VANGL2: variants seen among roughly 807,000 people sequenced by gnomAD.
The protein encoded by VANGL2 is VANGL planar cell polarity protein 2, also known as vang-like protein 2.
A neutral mutation model predicts 50.2 loss-of-function variants in VANGL2; 14 were observed. The observed-to-expected ratio is 0.28, with a 90% confidence interval of 0.18 to 0.44. The LOEUF is 0.44. VANGL2 is among the 20% of genes least tolerant of loss of function. The pLI is 1.00. For synonymous variants in VANGL2, 295 were observed against 297.2 expected (o/e 0.99, Z 0.08); for missense variants, 533 against 701.5 (o/e 0.76, Z 2.71).
intron 1 of VANGL2, among the ~76,000 whole-genome samples, chr1:160,411,276 A>G (rs1490527875): frequency 6.6e-6 from 1 of 151,582 alleles, no homozygotes; most frequent in Admixed American, 6.6e-5. Context: ...TTCCTTTTCT[A>G]TAGCCTCCCC....
At chr1:160,416,707 C>T (rs951300057) in intron 3 of VANGL2, among the ~76,000 whole-genome samples, 3 of 152,036 alleles carry the variant, frequency 2.0e-5, no homozygotes, top group African/African-American at 7.3e-5. Context: ...GGAGCAGGGA[C>T]CCCAGGAGAG....
intron 5 of VANGL2, 110 bp from the exon 6 acceptor site, chr1:160,420,942 G>A: frequency 1.3e-6 from 2 of 1,511,580 alleles, no homozygotes; most frequent in Non-Finnish European, 1.8e-6. Flanking sequence ...TTGCTGGGTG[G>A]TGGGAACAGC....
Position 160,426,661 on chromosome 1 carries a change from A to C in VANGL2, c.*1283A>C, listed in dbSNP as rs1298191872. Reference sequence around the variant, plus strand: ...TGATAATTTAGATCTCATTTTGAGCAAAATTTGCTGGCCCTCTAATAAATA... The same window carrying C: ...TGATAATTTAGATCTCATTTTGAGCCAAATTTGCTGGCCCTCTAATAAATA... On this transcript the variant is annotated 3_prime_UTR_variant, in exon 8 of 8. Coordinates refer to ENST00000368061, the MANE Select transcript of VANGL2 (RefSeq NM_020335.3). 1.3e-5 allele frequency: 2 copies of C among 152,734 alleles called. No individual in the cohort carries two copies. The highest frequency in any genetic ancestry group is 3.9e-4 in the East Asian group (2 of 5,186). The allele number at this position is 152,734 out of a possible 1,614,324, so 9.5% of individuals were successfully genotyped here.
Position 160,424,097 on chromosome 1 carries a change from G to T in VANGL2, c.1119G>T (p.Leu373=), listed in dbSNP as rs770390772. The T allele has an allele frequency of 4.2e-5, 67 of 1,613,954 alleles. No individual in the cohort carries two copies. The highest frequency in any genetic ancestry group is 1.0e-4 in the Admixed American group (6 of 60,010). ...VEEAFTHIKR[L]QEEEQKNPRE... ...AGGCCTTCACTCACATTAAGCGGCT[G>T]CAGGAAGAGGAGCAGAAAAACCCCA... Residue 373 remains leucine, a synonymous_variant, in exon 7 of 8, where the codon CTG becomes CTT. Transcript: ENST00000368061.
intron 1 of VANGL2, among the ~76,000 whole-genome samples, chr1:160,411,863 GGT>G (rs144604516): frequency 1.1e-4 from 17 of 150,076 alleles, no homozygotes; most frequent in South Asian, 2.1e-4. Context: ...GGTTCTGGTT[GGT>G]GTGTGTGTGT....
intron 6 of VANGL2, among the ~76,000 whole-genome samples, chr1:160,422,705 C>T (rs1353353305): frequency 1.3e-5 from 2 of 152,186 alleles, no homozygotes; most frequent in African/African-American, 4.8e-5. Context: ...CAGCTTCTAA[C>T]ATATTGTCAT....
intron 6 of VANGL2, among the ~76,000 whole-genome samples, chr1:160,422,835 T>C (rs1476391636): frequency 6.6e-6 from 1 of 152,200 alleles, no homozygotes; most frequent in East Asian, 1.9e-4. Flanking sequence ...AAGCTATATG[T>C]ATCCTTGTGC....
intron 3 of VANGL2, among the ~76,000 whole-genome samples, chr1:160,418,538 A>C (rs1470395506): frequency 1.3e-5 from 2 of 151,828 alleles, no homozygotes; most frequent in Non-Finnish European, 2.9e-5. Flanking sequence ...AAGTGTTCTA[A>C]TGTGTGCATC....
Position 160,416,100 on chromosome 1 carries a change from G to A in VANGL2, c.110G>A (p.Gly37Glu). Residue 37 changes from glycine to glutamate, a missense_variant, in exon 3 of 8, where the codon GGG becomes GAG. Gly to Glu is a moderately conservative substitution (Grantham distance 98). Coordinates refer to ENST00000368061, the MANE Select transcript of VANGL2 (RefSeq NM_020335.3). ...RDRHRSKSRDGGRGDKSVTIQ... is the reference protein window; with the variant it reads ...RDRHRSKSRDEGRGDKSVTIQ... ...CGACACCGCTCTAAGAGTCGAGATG[G>A]GGGCCGAGGGGACAAGTCGGTGACA... The A allele has an allele frequency of 1.2e-6, 2 of 1,614,234 alleles. No homozygotes were observed. Among genetic ancestry groups the A allele is most frequent in the Non-Finnish European group, 1.7e-6 (2 of 1,180,044 alleles).
rs4017836 is a variant in VANGL2 at position 160,417,908 on chromosome 1, A to ATTTT, written c.193-1077_193-1074dup. Among the ~76,000 whole-genome samples, 178 of 130,096 alleles carry ATTTT rather than the reference A, an allele frequency of 1.4e-3. 5 individuals are homozygous for ATTTT. The highest frequency in any genetic ancestry group is 4.1e-3 in the East Asian group (18 of 4,438). 85.3% of individuals were successfully genotyped at this position (130,096 alleles called of 152,430 possible). A position where few individuals can be genotyped will look rare whatever the true frequency, so the allele number is the denominator to read the frequency against. Reference sequence around the variant, plus strand: ...AAGGAACTTAGATAGGACTTCCATAATTTTTTTTTTTTTTTTTTTTGAGAT... The same window carrying ATTTT: ...AAGGAACTTAGATAGGACTTCCATAATTTTTTTTTTTTTTTTTTTTTTTTGAGAT... On this transcript the variant is annotated intron_variant, in intron 3 of 7. Transcript: ENST00000368061.
At chr1:160,411,558 T>C (rs1381238406) in intron 1 of VANGL2, among the ~76,000 whole-genome samples, 1 of 152,090 alleles carries the variant, frequency 6.6e-6, no homozygotes, top group East Asian at 1.9e-4. Context: ...TTCCCTGGTG[T>C]ACTTGAAGAC....
intron 1 of VANGL2, among the ~76,000 whole-genome samples, chr1:160,414,062 T>G (rs1380642133): frequency 6.6e-6 from 1 of 152,222 alleles, no homozygotes; most frequent in African/African-American, 2.4e-5. Context: ...ACCACCAACA[T>G]TAAGTCTCAA....
intron 7 of VANGL2, 73 bp downstream of exon 7, chr1:160,424,356 A>G (rs577696787): frequency 7.1e-7 from 1 of 1,413,680 alleles, no homozygotes; most frequent in East Asian, 2.4e-5. Context: ...ATTTTCCCTT[A>G]TTCTCTCACT....
chr1:160,402,701 C>T (rs1047235046), intron 1 of VANGL2, among the ~76,000 whole-genome samples: 1 of 152,062 alleles, frequency 6.6e-6, no homozygotes. Flanking sequence ...GCAGGCTATA[C>T]TGCTATACTC....
intron 1 of VANGL2, among the ~76,000 whole-genome samples, chr1:160,401,446 G>A (rs1441116577): frequency 2.0e-5 from 3 of 152,064 alleles, no homozygotes; most frequent in Non-Finnish European, 2.9e-5. Flanking sequence ...GGGCCGAGGG[G>A]ACAGGCGCTG....
chr1:160,403,283 C>A (rs1392134708), intron 1 of VANGL2, among the ~76,000 whole-genome samples: 1 of 151,992 alleles, frequency 6.6e-6, no homozygotes, highest in Non-Finnish European at 1.5e-5. Context: ...TCTGTATACG[C>A]TGATCACATG....
At position 160,418,345 on chromosome 1, in the gene VANGL2, C is replaced by T. The variant is rs541306302; in HGVS notation, c.193-657C>T. Among the ~76,000 whole-genome samples the T allele has an allele frequency of 2.0e-5, 3 of 152,232 alleles. No homozygotes were observed. In the South Asian group the frequency reaches 6.2e-4, roughly 32 times the overall value. ...TTTCTAACAAGCTCCCAGGTGATGT[C>T]CACACCGCTGGTCCACAGATCACAT... On this transcript the variant is annotated intron_variant, in intron 3 of 7. Coordinates refer to ENST00000368061, the MANE Select transcript of VANGL2 (RefSeq NM_020335.3).
intron 1 of VANGL2, among the ~76,000 whole-genome samples, chr1:160,415,412 C>A (rs780867000): frequency 3.9e-5 from 6 of 152,182 alleles, no homozygotes; most frequent in Non-Finnish European, 8.8e-5. Context: ...CCCTGGGAGC[C>A]TTTGCTGGCC....
At chr1:160,411,080 T>C (rs570724282) in intron 1 of VANGL2, among the ~76,000 whole-genome samples, 1 of 151,684 alleles carries the variant, frequency 6.6e-6, no homozygotes, top group Non-Finnish European at 1.5e-5. Flanking sequence ...TCCATTAATT[T>C]TATTTCTGAA....
Sources: allele counts gnomAD v4.1 joint callset (sites outside exome capture counted in the v4.1 genomes callset), GRCh38; gene constraint gnomAD v4.1.1; transcripts MANE v1.5; gene names NCBI Gene and HGNC (gene_info 2026-07-23, HGNC 2026-07-21).